Variants in MYH15 observed in about 807,000 individuals in gnomAD.
The protein encoded by MYH15 is myosin-15.
MYH15 carries 227 observed loss-of-function variants against 240.5 expected under a neutral mutation model. That is an observed-to-expected ratio of 0.94 (90% confidence interval 0.85 to 1.05). The LOEUF (loss-of-function observed/expected upper bound fraction) is 1.05, where lower values mean the gene tolerates loss of function less well. Ranked by LOEUF, MYH15 falls within the 50% of genes least tolerant of loss-of-function variation. MYH15 has a pLI of 0.00. For synonymous variants in MYH15, 785 were observed against 796.7 expected (o/e 0.99, Z 0.25); for missense variants, 2,217 against 2,247.5 (o/e 0.99, Z 0.27).
At chr3:108,453,109 G>T (rs1425789030) in intron 21 of MYH15, among the ~76,000 whole-genome samples, 2 of 152,194 alleles carry the variant, frequency 1.3e-5, no homozygotes, top group Non-Finnish European at 2.9e-5. Context: ...GATCATAAAG[G>T]CTTCACTTTA....
At chr3:108,398,557 G>T (rs1038493849) in intron 35 of MYH15, 80 bp downstream of exon 35, 1 of 1,384,580 alleles carries the variant, frequency 7.2e-7, no homozygotes, top group Non-Finnish European at 1.0e-6. Flanking sequence ...GACTGTGCAT[G>T]GTCCAAGGCC....
chr3:108,446,918 A>G (rs9835653), intron 21 of MYH15, among the ~76,000 whole-genome samples: 98,792 of 152,022 alleles, frequency 0.65, 33,710 homozygotes, highest in Non-Finnish European at 0.73. Flanking sequence ...TTGCTGACAA[A>G]GAATTCAAAA....
chr3:108,483,414 T>C (rs1457003827), intron 11 of MYH15, among the ~76,000 whole-genome samples: 2 of 132,554 alleles, frequency 1.5e-5, no homozygotes, highest in Non-Finnish European at 3.5e-5. Context: ...AGATGGCTAC[T>C]ATAAAAAAAA....
upstream of MYH15, among the ~76,000 whole-genome samples, chr3:108,530,850 G>C (rs555254624): frequency 7.9e-5 from 12 of 152,210 alleles, no homozygotes; most frequent in African/African-American, 2.6e-4. Flanking sequence ...GGAATGAGTA[G>C]ATAAAAACAT....
chr3:108,460,258 T>A, intron 17 of MYH15, 42 bp downstream of exon 17: 1 of 1,436,516 alleles, frequency 7.0e-7, no homozygotes, highest in Admixed American at 2.1e-5. Flanking sequence ...ATATGCAGAT[T>A]GTGAGGCAAT....
At chr3:108,495,682 G>T in intron 7 of MYH15, 98 bp downstream of exon 7, 2 of 725,622 alleles carry the variant, frequency 2.8e-6, no homozygotes, top group Non-Finnish European at 4.3e-6. Context: ...ACCTTCTTTG[G>T]TGTTCTATAA....
chr3:108,421,486 C>A (rs1468017867), intron 27 of MYH15, among the ~76,000 whole-genome samples: 1 of 152,204 alleles, frequency 6.6e-6, no homozygotes, highest in Non-Finnish European at 1.5e-5. Context: ...GAATTATTTA[C>A]TTTTCTGGAG....
chr3:108,436,791 A>G (rs775389291), intron 25 of MYH15, among the ~76,000 whole-genome samples: 16 of 152,162 alleles, frequency 1.1e-4, no homozygotes, highest in Non-Finnish European at 1.8e-4. Context: ...CCCACCTCGG[A>G]AACCTGACCC....
At chr3:108,524,270 GTTAGT>G (rs1481888462) in intron 1 of MYH15, among the ~76,000 whole-genome samples, 1 of 151,782 alleles carries the variant, frequency 6.6e-6, no homozygotes, top group African/African-American at 2.4e-5. Context: ...ATATTTCATT[GTTAGT>G]TTAATTTCAT....
At chr3:108,443,436 A>G (rs1319991661) in intron 22 of MYH15, among the ~76,000 whole-genome samples, 1 of 152,222 alleles carries the variant, frequency 6.6e-6, no homozygotes, top group South Asian at 2.1e-4. Flanking sequence ...AAAACAAGAA[A>G]AACTGTTGTT....
intron 3 of MYH15, 150 bp downstream of exon 3, chr3:108,501,562 C>G (rs2083438048): frequency 1.1e-6 from 1 of 942,972 alleles, no homozygotes; most frequent in African/African-American, 1.7e-5. Flanking sequence ...TGGGGAAATG[C>G]TAAGATAAGG....
chr3:108,394,298 T>C (rs1272534118), intron 35 of MYH15, 142 bp from the exon 36 acceptor site: 1 of 1,049,014 alleles, frequency 9.5e-7, no homozygotes, highest in Non-Finnish European at 1.4e-6. Context: ...TAAGCAGTGC[T>C]CCCAATCCCG....
chr3:108,459,066 A>G (rs923484334), intron 18 of MYH15, among the ~76,000 whole-genome samples: 4 of 152,198 alleles, frequency 2.6e-5, no homozygotes, highest in Admixed American at 2.0e-4. Flanking sequence ...CTTGTAGACA[A>G]TGGCATGGGA....
At chr3:108,505,977 A>G in intron 1 of MYH15, 148 bp from the exon 2 acceptor site, 1 of 528,942 alleles carries the variant, frequency 1.9e-6, no homozygotes. Context: ...TAAAATCATG[A>G]AAGCTCATTC....
At position 108,479,684 on chromosome 3, in the gene MYH15, A is replaced by T. The variant is rs574572139; in HGVS notation, c.1115-3169T>A. ...GCAAACTACTGTCTAGAGAATAATA[A>T]CCAGGTTTCGTAAGTTTATTTTGAA... On this transcript the variant is annotated intron_variant, in intron 11 of 40. Coordinates refer to ENST00000693548, the MANE Select transcript of MYH15 (RefSeq NM_014981.3). Among the ~76,000 whole-genome samples the T allele has an allele frequency of 4.6e-5, 7 of 152,296 alleles. No individual in the cohort carries two copies. In the South Asian group the frequency reaches 1.5e-3, roughly 32 times the overall value.
intron 5 of MYH15, among the ~76,000 whole-genome samples, chr3:108,498,817 A>G (rs1473071895): frequency 6.6e-6 from 1 of 152,256 alleles, no homozygotes; most frequent in Admixed American, 6.5e-5. Context: ...AGCCCAATGT[A>G]CAAGGTGGTA....
intron 35 of MYH15, among the ~76,000 whole-genome samples, chr3:108,394,728 G>A (rs535787349): frequency 6.6e-6 from 1 of 152,314 alleles, no homozygotes; most frequent in South Asian, 2.1e-4. Context: ...GATTCTTTGT[G>A]TTCTGTGGTT....
At chr3:108,496,943 C>T (rs902972495) in intron 6 of MYH15, among the ~76,000 whole-genome samples, 3 of 151,468 alleles carry the variant, frequency 2.0e-5, no homozygotes, top group Non-Finnish European at 2.9e-5. Context: ...GGGAGGATCA[C>T]GAGGTCAGGA....
intron 26 of MYH15, 91 bp downstream of exon 26, chr3:108,430,741 G>T: frequency 2.0e-6 from 2 of 997,346 alleles, no homozygotes; most frequent in Non-Finnish European, 3.1e-6. Context: ...CTAAGGGTAT[G>T]AATACCTTGG....
Sources: gnomAD v4.1 joint callset for allele counts (sites outside exome capture counted in the v4.1 genomes callset) on GRCh38, gnomAD v4.1.1 for gene constraint, MANE v1.5 for transcripts, NCBI Gene and HGNC (gene_info 2026-07-23, HGNC 2026-07-21) for gene names.